The following RAPGEF1 variants were observed in gnomAD, a reference collection of about 807,000 sequenced individuals.
The protein encoded by RAPGEF1 is CRK SH3-binding GNRP.
Under a neutral mutation model 143.3 loss-of-function variants are expected in RAPGEF1, and 33 were observed. The observed-to-expected ratio is 0.23, with a 90% confidence interval of 0.17 to 0.31. The LOEUF is 0.31. Ranked by LOEUF, RAPGEF1 falls within the 10% of genes least tolerant of loss-of-function variation. The pLI is 1.00. For missense variants in RAPGEF1, 1,199 were observed against 1,645.4 expected (o/e 0.73, Z 4.69); for synonymous variants, 629 against 676.5 (o/e 0.93, Z 1.09).
At chr9:131,647,905 A>AGGGGGC (rs1487631583) in intron 3 of RAPGEF1, among the ~76,000 whole-genome samples, 17 of 151,888 alleles carry the variant, frequency 1.1e-4, no homozygotes, top group African/African-American at 3.9e-4. Context: ...TGTGTATTGT[A>AGGGGGC]GGATGTTTAG....
At chr9:131,606,611 A>G (rs924501326) in intron 12 of RAPGEF1, among the ~76,000 whole-genome samples, 2 of 152,184 alleles carry the variant, frequency 1.3e-5, no homozygotes, top group Non-Finnish European at 2.9e-5. Context: ...ATGAAGTTTT[A>G]AACTAACAAG....
chr9:131,710,019 G>C (rs1475406335), intron 1 of RAPGEF1: 3 of 892,574 alleles, frequency 3.4e-6, no homozygotes, highest in African/African-American at 1.8e-5. Flanking sequence ...CGGCTTGCAA[G>C]ATGAATTTTA....
Position 131,625,501 on chromosome 9 carries a change from C to G in RAPGEF1, c.1702+421G>C, listed in dbSNP as rs547582644. 2.0e-5 allele frequency among the ~76,000 whole-genome samples: 3 copies of G among 152,182 alleles called. No homozygotes were observed. The East Asian group carries it at 5.8e-4, about 29-fold the overall frequency. ...GAGACAGTGTGCTCTAGACAGGGAT[C>G]CTTAGACAATCACTCTGTGGAAACT... On this transcript the variant is annotated intron_variant, in intron 10 of 26. Transcript: ENST00000683357.
chr9:131,639,004 AT>A (rs982325959), intron 4 of RAPGEF1, among the ~76,000 whole-genome samples: 1 of 152,048 alleles, frequency 6.6e-6, no homozygotes, highest in Non-Finnish European at 1.5e-5. Flanking sequence ...GTGTTTCAAA[AT>A]TTTTTTCATT....
intron 25 of RAPGEF1, among the ~76,000 whole-genome samples, chr9:131,581,002 G>A (rs982141528): frequency 1.3e-5 from 2 of 151,702 alleles, no homozygotes; most frequent in Non-Finnish European, 2.9e-5. Context: ...AAAAGTAGCC[G>A]GGCATGGTGG....
intron 3 of RAPGEF1, among the ~76,000 whole-genome samples, chr9:131,647,197 T>A (rs1969888870): frequency 1.3e-5 from 2 of 152,220 alleles, no homozygotes; most frequent in South Asian, 4.1e-4. Flanking sequence ...AATTTTTAAA[T>A]TCACTAAGAA....
At chr9:131,654,972 C>G (rs572300647) in intron 1 of RAPGEF1, among the ~76,000 whole-genome samples, 3 of 152,196 alleles carry the variant, frequency 2.0e-5, no homozygotes, top group Non-Finnish European at 4.4e-5. Context: ...AAAGCACTCC[C>G]TCTGTCAAGT....
At chr9:131,651,097 C>T (rs1970975038) in intron 1 of RAPGEF1, 148 bp from the exon 2 acceptor site, 4 of 1,021,564 alleles carry the variant, frequency 3.9e-6, no homozygotes, top group Non-Finnish European at 5.5e-6. Context: ...GGATCCATTA[C>T]AAAACATTTC....
At chr9:131,706,651 G>A (rs1835085648) in intron 1 of RAPGEF1, among the ~76,000 whole-genome samples, 1 of 152,120 alleles carries the variant, frequency 6.6e-6, no homozygotes, top group African/African-American at 2.4e-5. Flanking sequence ...TCAAGAAAAA[G>A]ACAAATAAAC....
Position 131,584,217 on chromosome 9 carries a change from C to A in RAPGEF1, c.3414+94G>T. The stretch of plus-strand genomic sequence containing the variant: ...CAGGGGCCTAGGCCCAGCATTTGCT[C>A]CAGTGGGAGCACTTTCTGCCACAGC... On this transcript the variant is annotated intron_variant, in intron 24 of 26. Transcript: ENST00000683357. The surrounding 1 kb of genome is among the most constrained non-coding windows in gnomAD (Gnocchi z 6.8). The A allele has an allele frequency of 8.3e-7, 1 of 1,199,790 alleles. No homozygotes were observed. The highest frequency in any genetic ancestry group is 1.3e-5 in the South Asian group (1 of 75,504). The allele number at this position is 1,199,790 out of a possible 1,614,324, so 74.3% of individuals were successfully genotyped here.
chr9:131,646,937 T>C (rs1969811783), intron 3 of RAPGEF1, among the ~76,000 whole-genome samples: 1 of 152,152 alleles, frequency 6.6e-6, no homozygotes, highest in Non-Finnish European at 1.5e-5. Context: ...AGCATCTCCC[T>C]GGAAGAGCTG....
Position 131,650,846 on chromosome 9 carries a change from C to T in RAPGEF1, c.165G>A (p.Glu55=), listed in dbSNP as rs1232094776. 3 of 1,613,908 alleles carry T rather than the reference C, an allele frequency of 1.9e-6. No individual in the cohort carries two copies. Among genetic ancestry groups the T allele is most frequent in the African/African-American group, 1.3e-5 (1 of 74,914 alleles). Residue 55 remains glutamate, a synonymous_variant, in exon 2 of 27, where the codon GAG becomes GAA. Transcript: ENST00000683357. The surrounding 1 kb of genome is among the most constrained non-coding windows in gnomAD (Gnocchi z 4.7). Reference sequence around the variant, plus strand: ...GCTTCTCTGGAATCTTTACGGACACCTCAGCTGGTTTTCCCTTCTTTGATG... The same window carrying T: ...GCTTCTCTGGAATCTTTACGGACACTTCAGCTGGTTTTCCCTTCTTTGATG... ...RTPSKKGKPA[E]VSVKIPEKPV...
In RAPGEF1 at chr9:131,689,739, T is replaced by TACACA. The variant is rs1296683421; in HGVS notation, c.62-38791_62-38790insTGTGT. Among the ~76,000 whole-genome samples the TACACA allele has an allele frequency of 1.8e-3, 277 of 152,318 alleles. 1 individual carries two copies. The highest frequency in any genetic ancestry group is 6.4e-3 in the African/African-American group (264 of 41,572). Reference sequence around the variant, plus strand: ...TTTTAGTAGAGACGGGGTTTCACTGTGTTGTCCAGGCTGGTCTCCAACTCC... The same window carrying TACACA: ...TTTTAGTAGAGACGGGGTTTCACTGTACACAGTTGTCCAGGCTGGTCTCCAACTCC... On this transcript the variant is annotated intron_variant, in intron 1 of 26. Coordinates refer to ENST00000683357, the MANE Select transcript of RAPGEF1 (RefSeq NM_001377935.1).
chr9:131,674,228 A>G (rs1434080003), intron 1 of RAPGEF1, among the ~76,000 whole-genome samples: 1 of 152,184 alleles, frequency 6.6e-6, no homozygotes, highest in Non-Finnish European at 1.5e-5. Flanking sequence ...CATCAAAACA[A>G]AAATATTAGC....
Position 131,621,958 on chromosome 9 carries a change from C to A in RAPGEF1, c.1743G>T (p.Pro581=). The change falls in exon 11 of 27, where the codon CCG becomes CCT. Residue 581 remains proline, a synonymous_variant. Coordinates refer to ENST00000683357, the MANE Select transcript of RAPGEF1 (RefSeq NM_001377935.1). This position sits in a 1 kb window ranked among gnomAD's most constrained non-coding sequence, Gnocchi z 4.5. ...YMQLLEDYSE[P]QPSMFYQTPQ... Reference sequence around the variant, plus strand: ...GCGTCTGGTAGAACATAGAGGGCTGCGGCTCCGAGTAGTCCTCCAGCAACT... The same window carrying A: ...GCGTCTGGTAGAACATAGAGGGCTGAGGCTCCGAGTAGTCCTCCAGCAACT... 8.1e-6 allele frequency: 13 copies of A among 1,613,548 alleles called. No homozygotes were observed. Among genetic ancestry groups the A allele is most frequent in the Non-Finnish European group, 1.0e-5 (12 of 1,179,736 alleles).
intron 12 of RAPGEF1, among the ~76,000 whole-genome samples, chr9:131,608,302 T>C (rs1957436478): frequency 6.6e-6 from 1 of 152,212 alleles, no homozygotes; most frequent in African/African-American, 2.4e-5. Context: ...ATAACAGTAC[T>C]GGGGCATTCA....
chr9:131,730,193 CAAAAAAA>C (rs57402366), intron 1 of RAPGEF1, among the ~76,000 whole-genome samples: 2 of 67,000 alleles, frequency 3.0e-5, no homozygotes, highest in South Asian at 6.0e-4. Flanking sequence ...GACTCCCTCT[CAAAAAAA>C]AAAAAAAAAA....
chr9:131,622,351 G>A (rs548654430), intron 10 of RAPGEF1, among the ~76,000 whole-genome samples: 7 of 152,334 alleles, frequency 4.6e-5, no homozygotes, highest in African/African-American at 1.7e-4. Flanking sequence ...CAGCTGCCAG[G>A]TGGAGCTGAG....
At chr9:131,651,910 G>C (rs1432057995) in intron 1 of RAPGEF1, among the ~76,000 whole-genome samples, 1 of 152,302 alleles carries the variant, frequency 6.6e-6, no homozygotes, top group African/African-American at 2.4e-5. Flanking sequence ...TGTACAGTAC[G>C]GTACTGTACT....
Sources: gnomAD v4.1 joint callset for allele counts (sites outside exome capture counted in the v4.1 genomes callset) on GRCh38, gnomAD v4.1.1 for gene constraint, Gnocchi (gnomAD v3.1) non-coding constraint, MANE v1.5 for transcripts, NCBI Gene and HGNC (gene_info 2026-07-23, HGNC 2026-07-21) for gene names.